PRKD1: variants seen among roughly 807,000 people sequenced by gnomAD.
PRKD1 encodes serine/threonine-protein kinase D1.
A neutral mutation model predicts 95.9 loss-of-function variants in PRKD1; 63 were observed. The observed-to-expected ratio is 0.66, with a 90% CI of 0.54 to 0.81. The LOEUF (loss-of-function observed/expected upper bound fraction) is 0.81, where lower values mean the gene tolerates loss of function less well. PRKD1 is among the 30% of genes least tolerant of loss of function. The probability of loss-of-function intolerance (pLI) is 0.00; values close to 1 mark genes in which losing one functional copy is unlikely to be tolerated. For missense variants in PRKD1, 1,048 were observed against 1,165.3 expected (o/e 0.90, Z 1.47); for synonymous variants, 425 against 423.1 (o/e 1.00, Z -0.05).
chr14:29,840,491 T>C (rs779151600), intron 1 of PRKD1, among the ~76,000 whole-genome samples: 3 of 152,228 alleles, frequency 2.0e-5, no homozygotes, highest in Non-Finnish European at 4.4e-5. Flanking sequence ...CCTCTGCCTG[T>C]TACTCAGTTC....
intron 1 of PRKD1, among the ~76,000 whole-genome samples, chr14:29,864,091 G>T (rs1357026012): frequency 6.6e-6 from 1 of 151,868 alleles, no homozygotes; most frequent in Non-Finnish European, 1.5e-5. Flanking sequence ...AGATAATAAA[G>T]AAAATATTTA....
rs944749035 is a variant in PRKD1, at chr14:29,577,262, G to A, written c.2715C>T (p.Leu905=). The change falls in exon 18 of 18, where the codon CTC becomes CTT. Residue 905 remains leucine (L), a synonymous_variant. Transcript: ENST00000331968. ...PETEETEMKA[L]GERVSIL is the part of the protein sequence containing the mutation. The stretch of plus-strand genomic sequence containing the variant: ...CTCAGAGGATGCTGACACGCTCACC[G>A]AGGGCTTTCATTTCTGTTTCTTCAG... 1.1e-5 allele frequency: 17 copies of A among 1,613,324 alleles called. No homozygotes were observed. Among genetic ancestry groups the A allele is most frequent in the African/African-American group, 5.3e-5 (4 of 74,870 alleles).
chr14:29,618,312 G>C (rs1185472488), intron 13 of PRKD1, among the ~76,000 whole-genome samples: 3 of 150,150 alleles, frequency 2.0e-5, no homozygotes, highest in Non-Finnish European at 2.9e-5. Flanking sequence ...GAGTGCAGTG[G>C]TATGATCTCT....
At chr14:29,772,237 CAT>C (rs1888542240) in intron 1 of PRKD1, among the ~76,000 whole-genome samples, 3 of 152,090 alleles carry the variant, frequency 2.0e-5, no homozygotes, top group Non-Finnish European at 4.4e-5. Context: ...CTCTAAAATT[CAT>C]ATGTTGAAAC....
intron 1 of PRKD1, among the ~76,000 whole-genome samples, chr14:29,888,460 A>G (rs1034483033): frequency 4.6e-5 from 7 of 152,264 alleles, no homozygotes; most frequent in African/African-American, 1.7e-4. Context: ...CTGGAAAGGC[A>G]TCATGAAGGG....
At chr14:29,677,216 A>T (rs1883281672) in intron 2 of PRKD1, among the ~76,000 whole-genome samples, 1 of 152,222 alleles carries the variant, frequency 6.6e-6, no homozygotes, top group South Asian at 2.1e-4. Flanking sequence ...AACACTTATC[A>T]AGCACTTACT....
intron 1 of PRKD1, among the ~76,000 whole-genome samples, chr14:29,925,387 C>T (rs571728259): frequency 5.9e-5 from 9 of 152,326 alleles, no homozygotes; most frequent in Non-Finnish European, 1.2e-4. Flanking sequence ...ATTACTGAGG[C>T]TTCTAGCAAT....
intron 1 of PRKD1, among the ~76,000 whole-genome samples, chr14:29,899,477 T>C (rs1290241467): frequency 1.3e-5 from 2 of 151,952 alleles, no homozygotes; most frequent in Non-Finnish European, 1.5e-5. Context: ...TAAAACCCCA[T>C]CTCTACTAAA....
intron 8 of PRKD1, 109 bp from the exon 9 acceptor site, chr14:29,633,055 G>C (rs1880130945): frequency 2.0e-6 from 2 of 1,003,014 alleles, no homozygotes; most frequent in East Asian, 4.9e-5. Context: ...AGGGTGGAAA[G>C]TGCATGGGCT....
chr14:29,592,927 AG>A (rs1190608623), intron 16 of PRKD1, among the ~76,000 whole-genome samples: 1 of 152,202 alleles, frequency 6.6e-6, no homozygotes, highest in Non-Finnish European at 1.5e-5. Context: ...TTAATGTGAC[AG>A]CATGGCTAAA....
chr14:29,699,809 C>G (rs919156861), intron 2 of PRKD1, among the ~76,000 whole-genome samples: 6 of 152,112 alleles, frequency 3.9e-5, no homozygotes, highest in African/African-American at 1.2e-4. Context: ...CAAAGTGACA[C>G]TGCATTTTTA....
chr14:29,854,663 G>C (rs1339444828), intron 1 of PRKD1, among the ~76,000 whole-genome samples: 2 of 152,206 alleles, frequency 1.3e-5, no homozygotes, highest in Admixed American at 6.5e-5. Flanking sequence ...GTAGCCAAAT[G>C]TTAATCCCCA....
In PRKD1 at chr14:29,631,325, C is replaced by T. The variant is rs530125254; in HGVS notation, c.1393-304G>A. On this transcript the variant is annotated intron_variant, in intron 9 of 17. Transcript: ENST00000331968. ...CAAAATCCAAGACTTAGAAAATAAG[C>T]GATAATTTTTGTAACAGTGAGGTAG... 8.8e-4 allele frequency among the ~76,000 whole-genome samples: 134 copies of T among 152,044 alleles called. 3 individuals carry two copies. The South Asian group carries it at 0.025, about 29-fold the overall frequency.
intron 1 of PRKD1, among the ~76,000 whole-genome samples, chr14:29,851,456 G>A (rs1166420913): frequency 6.6e-6 from 1 of 152,000 alleles, no homozygotes; most frequent in Non-Finnish European, 1.5e-5. Context: ...CATACAAGTG[G>A]CCAAAAACTA....
intron 13 of PRKD1, among the ~76,000 whole-genome samples, chr14:29,617,388 A>T (rs1484947323): frequency 6.6e-6 from 1 of 152,218 alleles, no homozygotes; most frequent in East Asian, 1.9e-4. Context: ...ACAGACTTGG[A>T]TGAGAAGAGA....
rs771765508 is a variant in PRKD1 at position 29,597,641 on chromosome 14, G to A, written c.2284C>T (p.Arg762Cys). 3 of 1,614,018 alleles carry A rather than the reference G, an allele frequency of 1.9e-6. No homozygotes were observed. Among genetic ancestry groups the A allele is most frequent in the Non-Finnish European group, 2.5e-6 (3 of 1,179,974 alleles). The change falls in exon 16 of 18, where the codon CGC becomes TGC. Residue 762 changes from arginine (R) to cysteine (C), a missense_variant. Physicochemically the swap from Arg to Cys is radical, Grantham distance 180. Coordinates refer to ENST00000331968, the MANE Select transcript of PRKD1 (RefSeq NM_002742.3). ...CCAACAGACCACATGTCTAGAGAGCGATTGTAGCCCTTGTTCCTTAGGACC... is the reference window on the plus strand; with the variant it reads ...CCAACAGACCACATGTCTAGAGAGCAATTGTAGCCCTTGTTCCTTAGGACC... ...PEVLRNKGYNRSLDMWSVGVI... is the reference protein window; with the variant it reads ...PEVLRNKGYNCSLDMWSVGVI...
chr14:29,821,823 C>G (rs1890923320), intron 1 of PRKD1, among the ~76,000 whole-genome samples: 1 of 152,280 alleles, frequency 6.6e-6, no homozygotes, highest in African/African-American at 2.4e-5. Context: ...GCATCCTCCA[C>G]ATGAATGCCT....
intron 6 of PRKD1, 59 bp downstream of exon 6, chr14:29,638,430 C>T (rs1880521757): frequency 6.3e-7 from 1 of 1,578,162 alleles, no homozygotes; most frequent in African/African-American, 1.4e-5. Flanking sequence ...ACTAAAATTA[C>T]ATCACCACAC....
chr14:29,801,120 A>G (rs1284685302), intron 1 of PRKD1, among the ~76,000 whole-genome samples: 1 of 152,052 alleles, frequency 6.6e-6, no homozygotes, highest in African/African-American at 2.4e-5. Flanking sequence ...GCCATTGTAG[A>G]GACTGGAAAA....
Sources: allele counts gnomAD v4.1 joint callset (sites outside exome capture counted in the v4.1 genomes callset), GRCh38; gene constraint gnomAD v4.1.1; transcripts MANE v1.5; gene names NCBI Gene and HGNC (gene_info 2026-07-23, HGNC 2026-07-21).